Variants in TNRC18 observed in about 807,000 individuals in gnomAD.
TNRC18 encodes trinucleotide repeat-containing gene 18 protein.
A neutral mutation model predicts 226.7 loss-of-function variants in TNRC18; 69 were observed. The ratio of observed to expected loss-of-function variants is 0.30; its 90% CI spans 0.25 to 0.37. The LOEUF (loss-of-function observed/expected upper bound fraction) is 0.37. Ranked by LOEUF, TNRC18 falls within the 10% of genes least tolerant of loss-of-function variation. The probability of loss-of-function intolerance (pLI) is 1.00; values close to 1 mark genes in which losing one functional copy is unlikely to be tolerated. For missense variants in TNRC18, 4,754 were observed against 4,256.6 expected, an observed-to-expected ratio of 1.12 and a Z score of -3.25; for synonymous variants, 2,449 against 1,927.6, an observed-to-expected ratio of 1.27 and a Z score of -7.09.
chr7:5,330,647 T>G (rs367850843), intron 19 of TNRC18, among the ~76,000 whole-genome samples: 3 of 152,088 alleles, frequency 2.0e-5, no homozygotes, highest in African/African-American at 7.2e-5. Flanking sequence ...AGAACATGTC[T>G]GGGCCTACTA....
At chr7:5,383,631 C>G (rs574853133) in intron 5 of TNRC18, among the ~76,000 whole-genome samples, 1 of 152,308 alleles carries the variant, frequency 6.6e-6, no homozygotes, top group Admixed American at 6.5e-5. Context: ...TGTGACAACC[C>G]GACTGTCCTC....
chr7:5,379,895 A>T (rs1182512422), intron 5 of TNRC18, among the ~76,000 whole-genome samples: 2 of 152,152 alleles, frequency 1.3e-5, no homozygotes, highest in Non-Finnish European at 1.5e-5. Context: ...CCTCCTACGC[A>T]GCGCTACTGT....
rs754588877 is a variant in TNRC18, at chr7:5,361,611, G to C, written c.4644C>G (p.Ser1548Arg). 2 of 1,538,560 alleles carry C rather than the reference G, an allele frequency of 1.3e-6. No individual in the cohort carries two copies. The highest frequency in any genetic ancestry group is 8.7e-7 in the Non-Finnish European group (1 of 1,143,144). Reference sequence around the variant, plus strand: ...AGCCTTACTTTCCGCTACTGTGGCCGCTCTTCCCTCTCTTGCGGGGGGGCG... The same window carrying C: ...AGCCTTACTTTCCGCTACTGTGGCCCCTCTTCCCTCTCTTGCGGGGGGGCG... Reference protein sequence around the residue: ...ALSPPRKRGKSGHSSGKLSSK... With the variant: ...ALSPPRKRGKRGHSSGKLSSK... The change falls in exon 14 of 30, where the codon AGC becomes AGG. Residue 1548 changes from serine (S) to arginine (R), a missense_variant. Coordinates refer to ENST00000430969, the MANE Select transcript of TNRC18 (RefSeq NM_001080495.3).
chr7:5,312,464 C>T lies in TNRC18; in HGVS notation c.8388+39G>A. 1 of 1,596,130 alleles carries T rather than the reference C, an allele frequency of 6.3e-7. No individual in the cohort carries two copies. The highest frequency in any genetic ancestry group is 8.5e-7 in the Non-Finnish European group (1 of 1,173,954). On this transcript the variant is annotated intron_variant, in intron 27 of 29. Coordinates refer to ENST00000430969, the MANE Select transcript of TNRC18 (RefSeq NM_001080495.3). This position sits in a 1 kb window ranked among gnomAD's most constrained non-coding sequence, Gnocchi z 6.3. Reference sequence around the variant, plus strand: ...GGGCCCAGCAGAGAGACACAAGGCCCCCGGCCCCTCGGCCGTGCCCGGGCG... The same window carrying T: ...GGGCCCAGCAGAGAGACACAAGGCCTCCGGCCCCTCGGCCGTGCCCGGGCG...
chr7:5,325,418 G>GC (rs540804237), intron 19 of TNRC18, 170 bp from the exon 20 acceptor site: 1 of 586,210 alleles, frequency 1.7e-6, no homozygotes, highest in Non-Finnish European at 2.8e-6. Context: ...TTGGTTTTGG[G>GC]TTTTTTTTTG....
At position 5,423,696 on chromosome 7, in the gene TNRC18, C is replaced by G. The variant is rs1584151781; in HGVS notation, c.-499G>C. The G allele has an allele frequency of 1.3e-5, 2 of 152,244 alleles. No individual in the cohort carries two copies. The highest frequency in any genetic ancestry group is 3.9e-4 in the East Asian group (2 of 5,172). The allele number at this position is 152,244 out of a possible 1,614,324, so 9.4% of individuals were successfully genotyped here. A position where few individuals can be genotyped will look rare whatever the true frequency, so the allele number is the denominator to read the frequency against. Reference sequence around the variant, plus strand: ...CTCCCGCAGCCCCCGGAAAAGCCAGCTTTCCTCCCGCCGAGCTCCCCGCTT... The same window carrying G: ...CTCCCGCAGCCCCCGGAAAAGCCAGGTTTCCTCCCGCCGAGCTCCCCGCTT... On this transcript the variant is annotated 5_prime_UTR_variant, in exon 1 of 30. Coordinates refer to ENST00000430969, the MANE Select transcript of TNRC18 (RefSeq NM_001080495.3).
chr7:5,317,703 C>T (rs1787990219), intron 24 of TNRC18, among the ~76,000 whole-genome samples: 1 of 115,372 alleles, frequency 8.7e-6, no homozygotes. Flanking sequence ...TAAGAAAGAA[C>T]TCTTAAGGTT....
chr7:5,389,468 T>TC (rs757813270), intron 4 of TNRC18, 132 bp from the exon 5 acceptor site: 119,369 of 1,101,674 alleles, frequency 0.11, 13,845 homozygotes, highest in Non-Finnish European at 0.12. Flanking sequence ...TTGGTTTTTT[T>TC]TTTCAGAAAG....
chr7:5,342,863 C>A (rs1790817991), intron 18 of TNRC18, among the ~76,000 whole-genome samples: 1 of 152,138 alleles, frequency 6.6e-6, no homozygotes, highest in Non-Finnish European at 1.5e-5. Flanking sequence ...TGGCAAACTT[C>A]ACTGTTGTCT....
intron 15 of TNRC18, among the ~76,000 whole-genome samples, chr7:5,358,763 G>A (rs1387210763): frequency 2.6e-5 from 4 of 152,202 alleles, no homozygotes; most frequent in African/African-American, 9.7e-5. Flanking sequence ...GCAGTGAGCC[G>A]AGATCGTGCC....
chr7:5,366,383 C>T (rs1268762141), intron 11 of TNRC18, among the ~76,000 whole-genome samples: 2 of 119,296 alleles, frequency 1.7e-5, no homozygotes, highest in Non-Finnish European at 3.2e-5. Flanking sequence ...GGCTGGAGTG[C>T]AGTGACCAAT....
At chr7:5,420,485 A>G (rs1023569407) in intron 2 of TNRC18, 7 of 450,512 alleles carry the variant, frequency 1.6e-5, no homozygotes, top group African/African-American at 8.0e-5. Flanking sequence ...CGGGGAAGAA[A>G]GGGGCATCCC....
At chr7:5,395,636 T>A (rs1780624363) in intron 2 of TNRC18, among the ~76,000 whole-genome samples, 1 of 152,182 alleles carries the variant, frequency 6.6e-6, no homozygotes, top group Non-Finnish European at 1.5e-5. Context: ...ATCAACAAAA[T>A]GGAGATAAAC....
At chr7:5,321,989 AT>A (rs1788417302) in intron 21 of TNRC18, among the ~76,000 whole-genome samples, 1 of 151,198 alleles carries the variant, frequency 6.6e-6, no homozygotes, top group Non-Finnish European at 1.5e-5. Flanking sequence ...TTTTTTAATA[AT>A]TTTTTCAAGC....
At chr7:5,361,428 G>C (rs1793034666) in intron 14 of TNRC18, among the ~76,000 whole-genome samples, 166 bp downstream of exon 14, 1 of 152,214 alleles carries the variant, frequency 6.6e-6, no homozygotes, top group South Asian at 2.1e-4. Context: ...GCTCCCTCCT[G>C]GCCCGGGCAG....
chr7:5,411,013 C>G (rs1364483937), intron 2 of TNRC18, among the ~76,000 whole-genome samples: 6 of 151,670 alleles, frequency 4.0e-5, no homozygotes, highest in African/African-American at 1.5e-4. Context: ...TGAGACCAGC[C>G]TGGCCAACAT....
At chr7:5,415,974 C>T (rs1301196260) in intron 2 of TNRC18, among the ~76,000 whole-genome samples, 4 of 149,828 alleles carry the variant, frequency 2.7e-5, no homozygotes, top group African/African-American at 9.8e-5. Context: ...ATTGGCTGGG[C>T]GTGGTGGCAG....
Position 5,345,517 on chromosome 7 carries a change from G to GCACCCCCCCCC in TNRC18, c.5719+44_5719+45insGGGGGGGGGTG. On this transcript the variant is annotated intron_variant, in intron 18 of 29. Transcript: ENST00000430969. The stretch of plus-strand genomic sequence containing the variant: ...CCTGTGGGATGGGGCAATGGCGTCC[G>GCACCCCCCCCC]CCCCTCCCACCCACCCCCACCGCAG... 10 of 377,744 alleles carry GCACCCCCCCCC rather than the reference G, an allele frequency of 2.6e-5. 1 individual carries two copies. Among genetic ancestry groups the GCACCCCCCCCC allele is most frequent in the South Asian group, 1.3e-4 (3 of 22,822 alleles). 23.4% of individuals were successfully genotyped at this position (377,744 alleles called of 1,614,324 possible).
chr7:5,420,356 G>A (rs960904717), intron 2 of TNRC18: 3 of 455,998 alleles, frequency 6.6e-6, no homozygotes, highest in African/African-American at 2.0e-5. Context: ...GCGATGGTCC[G>A]GTTTCGGTGT....
Sources: gnomAD v4.1 joint callset for allele counts (sites outside exome capture counted in the v4.1 genomes callset) on GRCh38, gnomAD v4.1.1 for gene constraint, Gnocchi (gnomAD v3.1) non-coding constraint, MANE v1.5 for transcripts, NCBI Gene and HGNC (gene_info 2026-07-23, HGNC 2026-07-21) for gene names.